Variants in TPR observed in about 807,000 individuals in gnomAD.
The protein encoded by TPR is nucleoprotein TPR.
Under a neutral mutation model 316.1 loss-of-function variants are expected in TPR, and 51 were observed. That is an observed-to-expected ratio of 0.16 (90% CI 0.13 to 0.20). TPR has a LOEUF of 0.20. TPR is among the 10% of genes least tolerant of loss of function. The pLI, the probability that TPR is intolerant of heterozygous loss-of-function variation, is 1.00. For synonymous variants in TPR, 981 were observed against 914.7 expected, an observed-to-expected ratio of 1.07 and a Z score of -1.31; for missense variants, 2,272 against 2,754.8, an observed-to-expected ratio of 0.82 and a Z score of 3.92.
At chr1:186,352,863 CA>C (rs2101976677) in intron 18 of TPR, among the ~76,000 whole-genome samples, 1 of 152,178 alleles carries the variant, frequency 6.6e-6, no homozygotes, top group South Asian at 2.1e-4. Flanking sequence ...AAATGGGGGA[CA>C]ACTATACCTA....
chr1:186,321,182 T>C (rs1480797211), intron 45 of TPR, among the ~76,000 whole-genome samples: 1 of 152,142 alleles, frequency 6.6e-6, no homozygotes, highest in Admixed American at 6.5e-5. Context: ...GGAGCTGAAA[T>C]TGATTGGCTG....
chr1:186,345,533 C>A, intron 24 of TPR, 47 bp downstream of exon 24: 1 of 1,409,492 alleles, frequency 7.1e-7, no homozygotes, highest in South Asian at 1.2e-5. Context: ...CTTCAAGAAT[C>A]ATTCTCTAGG....
chr1:186,343,416 C>G lies in TPR; in HGVS notation c.3660G>C (p.Glu1220Asp). The change falls in exon 27 of 51, where the codon GAG (glutamate) becomes GAC (aspartate). Residue 1220 changes from glutamate to aspartate, a missense_variant. This residue lies in a region of TPR where 757 missense variants were observed against 859.8 expected (regional missense o/e 0.88). Transcript: ENST00000367478. Reference protein sequence around the residue: ...AETRFEVAQVESLRYRQRVEL... With the variant: ...AETRFEVAQVDSLRYRQRVEL... ...CAACCCTTTGTCGATAACGCAGACT[C>G]TCAACCTGAGCCACCTCAAACCTAG... 6.2e-7 allele frequency: 1 copy of G among 1,614,086 alleles called. No homozygotes were observed. The highest frequency in any genetic ancestry group is 8.5e-7 in the Non-Finnish European group (1 of 1,179,972).
rs1474619222 is a variant in TPR, at chr1:186,337,163, C to T, written c.4363-7G>A. 1 of 1,611,652 alleles carries T rather than the reference C, an allele frequency of 6.2e-7. No individual in the cohort carries two copies. Among genetic ancestry groups the T allele is most frequent in the South Asian group, 1.1e-5 (1 of 90,786 alleles). ...GAGCCGATGTCTCCATAACCTAAGA[C>T]AACAAACAGTAATAATACACTCACA... On this transcript the variant is annotated splice_region_variant and splice_polypyrimidine_tract_variant and intron_variant, in intron 31 of 50. Coordinates refer to ENST00000367478, the MANE Select transcript of TPR (RefSeq NM_003292.3).
chr1:186,321,539 A>T (rs1223311571), intron 45 of TPR, among the ~76,000 whole-genome samples: 1 of 152,188 alleles, frequency 6.6e-6, no homozygotes, highest in African/African-American at 2.4e-5. Flanking sequence ...GCTTCAGTAT[A>T]CTATAAGATG....
rs1369041869 is a variant in TPR, at chr1:186,312,954, A to G, written c.*1017T>C. 1.3e-6 allele frequency: 2 copies of G among 1,539,688 alleles called. No individual in the cohort carries two copies. Among genetic ancestry groups the G allele is most frequent in the East Asian group, 2.2e-5 (1 of 44,456 alleles). ...ATATCATTTGTGAAAACATGAAGATAAAGTAAAAATGCTGGCTGCAATGAT... is the reference window on the plus strand; with the variant it reads ...ATATCATTTGTGAAAACATGAAGATGAAGTAAAAATGCTGGCTGCAATGAT... On this transcript the variant is annotated 3_prime_UTR_variant, in exon 51 of 51. Coordinates refer to ENST00000367478, the MANE Select transcript of TPR (RefSeq NM_003292.3).
At chr1:186,327,981 C>T (rs1658051626) in intron 39 of TPR, among the ~76,000 whole-genome samples, 1 of 152,012 alleles carries the variant, frequency 6.6e-6, no homozygotes, top group Admixed American at 6.6e-5. Context: ...GACAGGGTTT[C>T]ACCATGTTGG....
chr1:186,320,745 A>G (rs1200537048), intron 45 of TPR, among the ~76,000 whole-genome samples: 1 of 152,208 alleles, frequency 6.6e-6, no homozygotes, highest in Non-Finnish European at 1.5e-5. Flanking sequence ...AACATAAAAC[A>G]TAACAAAAAG....
At chr1:186,346,069 G>C in intron 23 of TPR, 66 bp downstream of exon 23, 1 of 1,475,682 alleles carries the variant, frequency 6.8e-7, no homozygotes, top group African/African-American at 1.4e-5. Context: ...GGCAACTAAT[G>C]ACTTAGTTGA....
Position 186,375,154 on chromosome 1 carries a change from C to A in TPR, c.-126G>T. ...ATCACCTCGCTCGGTGGCTCGCGCGCGCCCGCCCGCCGGAGACTCCCGCGG... is the reference window on the plus strand; with the variant it reads ...ATCACCTCGCTCGGTGGCTCGCGCGAGCCCGCCCGCCGGAGACTCCCGCGG... On this transcript the variant is annotated 5_prime_UTR_variant, in exon 1 of 51. Coordinates refer to ENST00000367478, the MANE Select transcript of TPR (RefSeq NM_003292.3). 1 of 1,544,284 alleles carries A rather than the reference C, an allele frequency of 6.5e-7. No homozygotes were observed. Among genetic ancestry groups the A allele is most frequent in the South Asian group, 1.2e-5 (1 of 83,966 alleles).
chr1:186,355,554 T>G lies in TPR; in HGVS notation c.2027A>C (p.Gln676Pro). The G allele has an allele frequency of 6.2e-7, 1 of 1,611,656 alleles. No homozygotes were observed. The highest frequency in any genetic ancestry group is 8.5e-7 in the Non-Finnish European group (1 of 1,179,596). The change falls in exon 17 of 51, where the codon CAG (glutamine) becomes CCG (proline). Residue 676 changes from glutamine (Q) to proline (P), a missense_variant. Gln to Pro is a moderately conservative substitution (Grantham distance 76). This residue lies in a region of TPR where 757 missense variants were observed against 859.8 expected (regional missense o/e 0.88). Transcript: ENST00000367478. ...IEAKAALKQL[Q>P]EIFENYKKEK... The stretch of plus-strand genomic sequence containing the variant: ...TTTTTTGTAGTTCTCAAAAATTTCC[T>G]GCAACTAAATATTGGAGATTATGAG...
Position 186,353,767 on chromosome 1 carries a change from G to A in TPR, c.2255C>T (p.Thr752Ile), listed in dbSNP as rs1658943605. The A allele has an allele frequency of 6.2e-7, 1 of 1,614,082 alleles. No individual in the cohort carries two copies. The highest frequency in any genetic ancestry group is 1.7e-5 in the Admixed American group (1 of 60,014). ...GATAATCTGTTCTTGCTTTTGAGTT[G>A]TGGCAGTGAGTTTCTGATTTCTCTC... ...LHERNQKLTA[T>I]TQKQEQIINT... Residue 752 changes from threonine (T) to isoleucine (I), a missense_variant, in exon 18 of 51, where the codon ACA becomes ATA. This residue lies in a region of TPR where 757 missense variants were observed against 859.8 expected (regional missense o/e 0.88). Transcript: ENST00000367478.
chr1:186,333,468 G>T, intron 36 of TPR, 74 bp from the exon 37 acceptor site: 1 of 1,542,338 alleles, frequency 6.5e-7, no homozygotes. Context: ...CCTATTCTGT[G>T]GTACATGTCA....
chr1:186,313,845 T>G lies in TPR; in HGVS notation c.*126A>C. 6.7e-7 allele frequency: 1 copy of G among 1,494,112 alleles called. No homozygotes were observed. The allele number at this position is 1,494,112 out of a possible 1,614,324, so 92.6% of individuals were successfully genotyped here. ...AATAAATTTTGACACTGAAAAACAT[T>G]TTATTAATAAAGAATATTGACATGA... On this transcript the variant is annotated 3_prime_UTR_variant, in exon 51 of 51. Transcript: ENST00000367478.
chr1:186,360,792 C>T lies in TPR; in HGVS notation c.1072G>A (p.Asp358Asn), dbSNP rs760009953. The stretch of plus-strand genomic sequence containing the variant: ...TTACGTTTTGTGGCAGAAAGAAGGT[C>T]ATTTGCATTCTCTAATTCCTTCTCC... ...RLEKELENAN[D>N]LLSATKRKGA... The change falls in exon 10 of 51, where the codon GAC becomes AAC. Residue 358 changes from aspartate (D) to asparagine (N), a missense_variant. Coordinates refer to ENST00000367478, the MANE Select transcript of TPR (RefSeq NM_003292.3). 3.5e-5 allele frequency: 57 copies of T among 1,612,738 alleles called. No homozygotes were observed. In the Middle Eastern group the frequency reaches 8.2e-4, roughly 23 times the overall value.
chr1:186,367,921 T>C lies in TPR; in HGVS notation c.392A>G (p.Asn131Ser), dbSNP rs1335446569. ...TTCAAGTTCTTGAGATAGTCTCTCA[T>C]TGGTTCTAATTAAGTCTCTTTTCTC... ...EAEKRDLIRT[N>S]ERLSQELEYL... The change falls in exon 4 of 51, where the codon AAT (asparagine) becomes AGT (serine). Residue 131 changes from asparagine (N) to serine (S), a missense_variant. By Grantham distance (46) the Asn-to-Ser change is conservative. Transcript: ENST00000367478. 1 of 1,611,522 alleles carries C rather than the reference T, an allele frequency of 6.2e-7. No individual in the cohort carries two copies.
At chr1:186,323,020 AAG>A (rs1162346939) in intron 43 of TPR, among the ~76,000 whole-genome samples, 1 of 152,180 alleles carries the variant, frequency 6.6e-6, no homozygotes, top group African/African-American at 2.4e-5. Flanking sequence ...AGGATCCTTT[AAG>A]ACTTTATATT....
chr1:186,333,924 A>G (rs1387424629), intron 36 of TPR, among the ~76,000 whole-genome samples: 1 of 152,180 alleles, frequency 6.6e-6, no homozygotes, highest in Non-Finnish European at 1.5e-5. Context: ...GGATTAAACA[A>G]TAAGAAGCTG....
intron 37 of TPR, 53 bp from the exon 38 acceptor site, chr1:186,332,396 TAAAG>T (rs1424268100): frequency 1.3e-6 from 2 of 1,586,628 alleles, no homozygotes; most frequent in Admixed American, 3.5e-5. Context: ...TCAATTTAGA[TAAAG>T]ATAGTTTACC....
Sources: gnomAD v4.1 joint callset for allele counts (sites outside exome capture counted in the v4.1 genomes callset) on GRCh38, gnomAD v4.1.1 for gene constraint, gnomAD v4.1.1 regional missense constraint, MANE v1.5 for transcripts, NCBI Gene and HGNC (gene_info 2026-07-23, HGNC 2026-07-21) for gene names.